Variants in TAF1B observed in about 807,000 individuals in gnomAD.
The protein encoded by TAF1B is TATA box-binding protein-associated factor RNA polymerase I subunit B.
A neutral mutation model predicts 83.9 loss-of-function variants in TAF1B; 61 were observed. That is an observed-to-expected ratio of 0.73 (90% CI 0.59 to 0.90). The LOEUF is 0.90. Ranked by LOEUF, TAF1B falls within the 40% of genes least tolerant of loss-of-function variation. TAF1B has a pLI of 0.00. For synonymous variants in TAF1B, 221 were observed against 224.6 expected, an observed-to-expected ratio of 0.98 and a Z score of 0.14; for missense variants, 625 against 677.0, an observed-to-expected ratio of 0.92 and a Z score of 0.85.
At chr2:9,855,262 T>G (rs530211630) in intron 5 of TAF1B, among the ~76,000 whole-genome samples, 2 of 152,362 alleles carry the variant, frequency 1.3e-5, no homozygotes, top group South Asian at 4.1e-4. Flanking sequence ...CCCAAAGTGC[T>G]GGGATTACAG....
chr2:9,925,567 G>T (rs896378452), intron 14 of TAF1B, among the ~76,000 whole-genome samples: 14 of 147,162 alleles, frequency 9.5e-5, no homozygotes, highest in African/African-American at 3.2e-4. Flanking sequence ...TTGGTTTTGG[G>T]TTTTTTTGTT....
chr2:9,851,639 G>T lies in TAF1B; in HGVS notation c.303+1G>T. The T allele has an allele frequency of 2.5e-6, 4 of 1,604,378 alleles. No individual in the cohort carries two copies. The highest frequency in any genetic ancestry group is 3.4e-6 in the Non-Finnish European group (4 of 1,176,394). On this transcript the variant is annotated splice_donor_variant, in intron 4 of 14. Transcript: ENST00000263663. LOFTEE classifies it high-confidence loss of function. ...CCTTGGAGTAGGCCCAGAGTTAAAG[G>T]TAAGTACATTTGTGACTAGATGTTA... is the stretch of plus-strand genomic sequence containing the variant.
intron 6 of TAF1B, among the ~76,000 whole-genome samples, chr2:9,872,241 G>T (rs949942406): frequency 1.3e-5 from 2 of 151,970 alleles, no homozygotes; most frequent in African/African-American, 4.8e-5. Flanking sequence ...CAGGAGAGTG[G>T]CTTGAACCCG....
intron 7 of TAF1B, among the ~76,000 whole-genome samples, chr2:9,881,419 A>G (rs1209062098): frequency 1.3e-5 from 2 of 152,060 alleles, no homozygotes; most frequent in Non-Finnish European, 2.9e-5. Context: ...CTTCAAGGCA[A>G]TGCATTTTGT....
intron 5 of TAF1B, among the ~76,000 whole-genome samples, chr2:9,857,115 C>T (rs553219670): frequency 3.4e-4 from 52 of 152,236 alleles, no homozygotes; most frequent in African/African-American, 1.2e-3. Context: ...CATGGAGGCC[C>T]TTGCTGATGT....
intron 5 of TAF1B, among the ~76,000 whole-genome samples, chr2:9,857,673 T>G (rs941242846): frequency 1.3e-5 from 2 of 152,146 alleles, no homozygotes; most frequent in Non-Finnish European, 2.9e-5. Flanking sequence ...CTAGAAAACA[T>G]GTAATCATGG....
At chr2:9,900,802 G>A (rs1294405961) in intron 8 of TAF1B, among the ~76,000 whole-genome samples, 2 of 152,112 alleles carry the variant, frequency 1.3e-5, no homozygotes, top group Non-Finnish European at 2.9e-5. Context: ...GAACACTGCT[G>A]GAGGGATTAA....
intron 8 of TAF1B, among the ~76,000 whole-genome samples, chr2:9,904,235 A>T (rs1453033767): frequency 6.6e-6 from 1 of 152,128 alleles, no homozygotes; most frequent in Non-Finnish European, 1.5e-5. Context: ...TAACAAGCAC[A>T]GTAAAGGTAG....
At chr2:9,878,244 T>C (rs1664385034) in intron 7 of TAF1B, among the ~76,000 whole-genome samples, 1 of 151,848 alleles carries the variant, frequency 6.6e-6, no homozygotes, top group Non-Finnish European at 1.5e-5. Flanking sequence ...TAATTGTTTA[T>C]TTTTATTTTT....
intron 2 of TAF1B, among the ~76,000 whole-genome samples, chr2:9,847,150 T>C (rs1334358884): frequency 6.6e-6 from 1 of 152,246 alleles, no homozygotes; most frequent in African/African-American, 2.4e-5. Context: ...TGAAAGATCC[T>C]AATACTTCTC....
chr2:9,868,176 T>C, intron 5 of TAF1B, 100 bp from the exon 6 acceptor site: 1 of 1,280,894 alleles, frequency 7.8e-7, no homozygotes, highest in Admixed American at 2.4e-5. Flanking sequence ...TCTAGAGTGG[T>C]TTCTTTTAGG....
At chr2:9,861,431 G>A (rs528309693) in intron 5 of TAF1B, among the ~76,000 whole-genome samples, 9 of 152,378 alleles carry the variant, frequency 5.9e-5, no homozygotes, top group Non-Finnish European at 1.2e-4. Context: ...GCTTGAGTAG[G>A]TAAACAAAGC....
intron 8 of TAF1B, among the ~76,000 whole-genome samples, chr2:9,903,892 A>G (rs925973638): frequency 6.6e-6 from 1 of 152,234 alleles, no homozygotes. Flanking sequence ...GAGTTTTAAG[A>G]GCCAAATAGA....
Position 9,933,962 on chromosome 2 carries a change from C to A in TAF1B, c.1745C>A (p.Ser582Tyr). Residue 582 changes from serine (S) to tyrosine (Y), a missense_variant, in exon 15 of 15, where the codon TCC (serine) becomes TAC (tyrosine). Transcript: ENST00000263663. ...KYSVKRKKSR[S>Y]KKVRRH ...AGTGTAAAAAGAAAGAAATCAAGAT[C>A]CAAGAAAGTGAGACGACATTGAGAA... is the stretch of plus-strand genomic sequence containing the variant. 6.2e-7 allele frequency: 1 copy of A among 1,602,668 alleles called. No individual in the cohort carries two copies. The highest frequency in any genetic ancestry group is 8.5e-7 in the Non-Finnish European group (1 of 1,175,602).
chr2:9,843,484 A>C lies in TAF1B; in HGVS notation c.-58A>C, dbSNP rs1663083582. 1.3e-6 allele frequency: 2 copies of C among 1,515,116 alleles called. No individual in the cohort carries two copies. Among genetic ancestry groups the C allele is most frequent in the Admixed American group, 4.1e-5 (2 of 49,168 alleles). The allele number at this position is 1,515,116 out of a possible 1,614,324, so 93.9% of individuals were successfully genotyped here. On this transcript the variant is annotated 5_prime_UTR_variant, in exon 1 of 15. Transcript: ENST00000263663. ...GGAAGCTTCTCCAGCCTTTCCCGGA[A>C]GCTGCGCTCGCTACCCGGGTAACGG... is the stretch of plus-strand genomic sequence containing the variant.
intron 6 of TAF1B, among the ~76,000 whole-genome samples, chr2:9,872,154 C>T (rs1035193742): frequency 1.3e-5 from 2 of 151,656 alleles, no homozygotes; most frequent in South Asian, 2.1e-4. Flanking sequence ...AGTGAAACTC[C>T]GTCTCTACTA....
At chr2:9,918,230 CAG>C (rs1221279946) in intron 12 of TAF1B, among the ~76,000 whole-genome samples, 1 of 152,178 alleles carries the variant, frequency 6.6e-6, no homozygotes, top group Admixed American at 6.5e-5. Context: ...CTAGGGAACA[CAG>C]AAATAATAAA....
chr2:9,857,556 GC>G (rs1346019572), intron 5 of TAF1B, among the ~76,000 whole-genome samples: 1 of 152,138 alleles, frequency 6.6e-6, no homozygotes, highest in African/African-American at 2.4e-5. Context: ...ACAGCTGTTA[GC>G]ATCTATTAGT....
intron 5 of TAF1B, among the ~76,000 whole-genome samples, chr2:9,860,433 A>G (rs1421418770): frequency 6.6e-6 from 1 of 152,212 alleles, no homozygotes; most frequent in Non-Finnish European, 1.5e-5. Context: ...CAATTTTGAC[A>G]TGCCAGTGAT....
Sources: allele counts gnomAD v4.1 joint callset (sites outside exome capture counted in the v4.1 genomes callset), GRCh38; gene constraint gnomAD v4.1.1; transcripts MANE v1.5; gene names NCBI Gene and HGNC (gene_info 2026-07-23, HGNC 2026-07-21).